Variants in RBFOX3 observed in about 807,000 individuals in gnomAD.
The protein encoded by RBFOX3 is RNA binding fox-1 homolog 3, also known as RNA binding protein fox-1 homolog 3.
RBFOX3 carries 17 observed loss-of-function variants against 48.7 expected under a neutral mutation model. The observed-to-expected ratio is 0.35, with a 90% CI of 0.24 to 0.52. RBFOX3 has a LOEUF of 0.52. RBFOX3 is among the 20% of genes least tolerant of loss of function. The pLI is 0.94. For synonymous variants in RBFOX3, 212 were observed against 209.5 expected (o/e 1.01, Z -0.10); for missense variants, 382 against 497.5 (o/e 0.77, Z 2.21).
intron 2 of RBFOX3, among the ~76,000 whole-genome samples, chr17:79,445,008 G>T (rs1409485062): frequency 6.6e-6 from 1 of 152,142 alleles, no homozygotes; most frequent in Non-Finnish European, 1.5e-5. Context: ...CACACACTCT[G>T]TGGCCTTATG....
At position 79,356,334 on chromosome 17, in the gene RBFOX3, T is replaced by A. The variant is rs9900918; in HGVS notation, c.-174-48510A>T. Among the ~76,000 whole-genome samples, 2 of 139,890 alleles carry A rather than the reference T, an allele frequency of 1.4e-5. 1 individual carries two copies. Among genetic ancestry groups the A allele is most frequent in the Non-Finnish European group, 3.1e-5 (2 of 65,396 alleles). The allele number at this position is 139,890 out of a possible 152,430, so 91.8% of individuals were successfully genotyped here. On this transcript the variant is annotated intron_variant, in intron 2 of 14. Coordinates refer to ENST00000693108, the MANE Select transcript of RBFOX3 (RefSeq NM_001350451.2). ...GCCGTGAGGCACGTACTTTTTCACT[T>A]TTAAAACAGGGAAGTTTTTTTTTTT... is the stretch of plus-strand genomic sequence containing the variant.
Position 79,376,310 on chromosome 17 carries a change from G to A in RBFOX3, c.-174-68486C>T, listed in dbSNP as rs565433487. 3.3e-3 allele frequency among the ~76,000 whole-genome samples: 501 copies of A among 152,240 alleles called. 3 individuals are homozygous for A. Among genetic ancestry groups the A allele is most frequent in the Non-Finnish European group, 5.7e-3 (385 of 68,020 alleles). The stretch of plus-strand genomic sequence containing the variant: ...CACTTGGAAAGGAGAGAGAAAGTCC[G>A]GTCTCTGTTCCTGAAGCTGCCTTCC... On this transcript the variant is annotated intron_variant, in intron 2 of 14. Coordinates refer to ENST00000693108, the MANE Select transcript of RBFOX3 (RefSeq NM_001350451.2).
intron 2 of RBFOX3, among the ~76,000 whole-genome samples, chr17:79,371,292 C>T (rs1285201003): frequency 1.3e-5 from 2 of 152,254 alleles, no homozygotes; most frequent in South Asian, 2.1e-4. Context: ...GAAATGGGCA[C>T]ATCCGAAGGG....
intron 4 of RBFOX3, among the ~76,000 whole-genome samples, chr17:79,191,486 C>T (rs2054510075): frequency 6.6e-6 from 1 of 152,210 alleles, no homozygotes; most frequent in Admixed American, 6.5e-5. Context: ...AGCGTCAGCT[C>T]ATTAAAAGCT....
chr17:79,557,225 C>CAAAAA (rs1167997833), intron 1 of RBFOX3, among the ~76,000 whole-genome samples: 1 of 86,566 alleles, frequency 1.2e-5, no homozygotes, highest in Admixed American at 1.3e-4. Context: ...GACACTGTCT[C>CAAAAA]AAAAAAAAAA....
chr17:79,125,380 G>A (rs953614969), intron 4 of RBFOX3, among the ~76,000 whole-genome samples: 6 of 152,206 alleles, frequency 3.9e-5, no homozygotes, highest in Non-Finnish European at 5.9e-5. Flanking sequence ...AGGCAGGGCC[G>A]GGCAGAAGCA....
intron 1 of RBFOX3, among the ~76,000 whole-genome samples, chr17:79,497,493 C>G (rs886989000): frequency 6.6e-6 from 1 of 152,132 alleles, no homozygotes; most frequent in African/African-American, 2.4e-5. Flanking sequence ...GTGTCTCATA[C>G]GTAGTACTAG....
intron 1 of RBFOX3, among the ~76,000 whole-genome samples, chr17:79,587,539 C>A (rs1447870259): frequency 6.6e-6 from 1 of 152,228 alleles, no homozygotes; most frequent in East Asian, 1.9e-4. Context: ...TGAGAATAAA[C>A]AGGGAACACC....
chr17:79,354,818 T>TAAA (rs2084656350), intron 2 of RBFOX3, among the ~76,000 whole-genome samples: 1 of 152,258 alleles, frequency 6.6e-6, no homozygotes, highest in Non-Finnish European at 1.5e-5. Flanking sequence ...TTATTATAAC[T>TAAA]ATTTTTAGTT....
intron 1 of RBFOX3, among the ~76,000 whole-genome samples, chr17:79,517,460 A>C (rs1275655165): frequency 8.6e-5 from 13 of 150,788 alleles, no homozygotes; most frequent in African/African-American, 2.4e-4. Context: ...AAAAAAAAAA[A>C]ACAAACAAAA....
Position 79,402,856 on chromosome 17 carries a change from G to T in RBFOX3, c.-175+79598C>A, listed in dbSNP as rs200340590. Among the ~76,000 whole-genome samples the T allele has an allele frequency of 5.9e-5, 9 of 152,172 alleles. No individual in the cohort carries two copies. In the East Asian group the frequency reaches 1.5e-3, roughly 26 times the overall value. On this transcript the variant is annotated intron_variant, in intron 2 of 14. Transcript: ENST00000693108. ...GTTTTCTCATCTCTACTATGGGGGT[G>T]TGAGCAGTACCTACCCTCCCGGATG... is the stretch of plus-strand genomic sequence containing the variant.
At position 79,509,115 on chromosome 17, in the gene RBFOX3, G is replaced by GCC. The variant is rs1469373163; in HGVS notation, c.-319-26519_-319-26518dup. On this transcript the variant is annotated intron_variant, in intron 1 of 14. Transcript: ENST00000693108. ...TTCTTTGGCCGGTCTGAATGACCCA[G>GCC]CCCCAGGGCCCCGGCCCTGGGGTCT... Among the ~76,000 whole-genome samples, 1,362 of 152,060 alleles carry GCC rather than the reference G, an allele frequency of 9.0e-3. 16 individuals are homozygous for GCC. The highest frequency in any genetic ancestry group is 0.031 in the African/African-American group (1,268 of 41,496).
chr17:79,640,020 A>T, the RBFOX3 span, among the ~76,000 whole-genome samples: 9 of 152,342 alleles, frequency 5.9e-5, no homozygotes, highest in East Asian at 1.7e-3. Context: ...AATCAGAAAG[A>T]AGTAAATTTT....
intron 2 of RBFOX3, among the ~76,000 whole-genome samples, chr17:79,454,302 C>T (rs956809263): frequency 7.9e-5 from 12 of 152,160 alleles, no homozygotes; most frequent in Non-Finnish European, 1.8e-4. Flanking sequence ...CCAAATCCAG[C>T]TTCCAGGGAG....
intron 4 of RBFOX3, among the ~76,000 whole-genome samples, chr17:79,163,583 G>A (rs1004249677): frequency 2.9e-4 from 44 of 152,228 alleles, no homozygotes; most frequent in African/African-American, 9.6e-4. Context: ...GATGGGAACC[G>A]GGAAGGTTGT....
chr17:79,153,325 C>T (rs1247493921), intron 4 of RBFOX3, among the ~76,000 whole-genome samples: 1 of 152,238 alleles, frequency 6.6e-6, no homozygotes, highest in Admixed American at 6.5e-5. Flanking sequence ...CAGCACAGGC[C>T]TTCTAGAAGG....
rs964106957 is a variant in RBFOX3 at position 79,594,524 on chromosome 17, T to G, written c.-320+16302A>C. ...ACTCCAGGGCCACCCGGGGCCTAAATCCGGCTGTGCAGCCCGGCCCCTGCG... is the reference window on the plus strand; with the variant it reads ...ACTCCAGGGCCACCCGGGGCCTAAAGCCGGCTGTGCAGCCCGGCCCCTGCG... On this transcript the variant is annotated intron_variant, in intron 1 of 14. Transcript: ENST00000693108. 1.1e-4 allele frequency among the ~76,000 whole-genome samples: 16 copies of G among 152,204 alleles called. No homozygotes were observed. The South Asian group carries it at 2.3e-3, about 22-fold the overall frequency.
chr17:79,410,056 G>A (rs987142356), intron 2 of RBFOX3, among the ~76,000 whole-genome samples: 1 of 152,208 alleles, frequency 6.6e-6, no homozygotes, highest in African/African-American at 2.4e-5. Flanking sequence ...TTTCCCGCCT[G>A]CTCCTCTCCA....
At chr17:79,472,834 G>A (rs921832690) in intron 2 of RBFOX3, among the ~76,000 whole-genome samples, 7 of 152,228 alleles carry the variant, frequency 4.6e-5, no homozygotes, top group East Asian at 1.9e-4. Context: ...CCTCTATACC[G>A]GCACTTCTCA....
Sources: gnomAD v4.1 joint callset for allele counts (sites outside exome capture counted in the v4.1 genomes callset) on GRCh38, gnomAD v4.1.1 for gene constraint, MANE v1.5 for transcripts, NCBI Gene and HGNC (gene_info 2026-07-23, HGNC 2026-07-21) for gene names.